The following CYREN variants were observed in gnomAD, a reference collection of about 807,000 sequenced individuals.
The protein encoded by CYREN is cell cycle regulator of NHEJ, also known as cell cycle regulator of non-homologous end joining.
CYREN carries 7 observed loss-of-function variants against 9.7 expected under a neutral mutation model. The ratio of observed to expected loss-of-function variants is 0.72; its 90% confidence interval spans 0.41 to 1.36. The LOEUF (loss-of-function observed/expected upper bound fraction) is 1.36, where lower values mean the gene tolerates loss of function less well. Ranked by LOEUF, CYREN falls within the 40% of genes most tolerant of loss-of-function variation. The pLI, the probability that CYREN is intolerant of heterozygous loss-of-function variation, is 0.01. For synonymous variants in CYREN, 76 were observed against 77.9 expected (o/e 0.98, Z 0.13); for missense variants, 215 against 198.1 (o/e 1.09, Z -0.51).
intron 2 of CYREN, among the ~76,000 whole-genome samples, chr7:135,100,251 A>G (rs545066844): frequency 1.4e-4 from 21 of 152,112 alleles, no homozygotes; most frequent in Admixed American, 1.3e-3. Context: ...AGAATGAATG[A>G]CAATCAAATG....
chr7:135,161,812 C>G (rs1026380444), downstream of CYREN, among the ~76,000 whole-genome samples: 13 of 152,264 alleles, frequency 8.5e-5, no homozygotes, highest in African/African-American at 3.1e-4. The surrounding 1 kb of genome is among the most constrained non-coding windows in gnomAD (Gnocchi z 4.1). Context: ...GCAGCCAGGG[C>G]TTCTGCTGGG....
intron 2 of CYREN, 134 bp downstream of exon 2, chr7:135,168,652 G>T: frequency 7.3e-7 from 1 of 1,370,862 alleles, no homozygotes; most frequent in Non-Finnish European, 9.8e-7. Context: ...CCTTCTAAAA[G>T]CTCAAGAGAT....
At chr7:135,129,585 G>C in intron 2 of CYREN, 1 of 771,968 alleles carries the variant, frequency 1.3e-6, no homozygotes, top group South Asian at 1.4e-5. Context: ...TCTCTCTAGA[G>C]CAAACCCTTA....
chr7:135,110,252 A>G (rs1285839965), intron 2 of CYREN, among the ~76,000 whole-genome samples: 1 of 152,118 alleles, frequency 6.6e-6, no homozygotes, highest in African/African-American at 2.4e-5. Flanking sequence ...TTATCCTGAG[A>G]TGTGCTGTGG....
intron 2 of CYREN, among the ~76,000 whole-genome samples, chr7:135,103,085 G>A (rs929309611): frequency 6.6e-6 from 1 of 152,064 alleles, no homozygotes; most frequent in South Asian, 2.1e-4. Context: ...ACAATACTCC[G>A]GCAGAATCCA....
intron 2 of CYREN, among the ~76,000 whole-genome samples, chr7:135,112,913 G>T (rs543763102): frequency 6.6e-6 from 1 of 152,130 alleles, no homozygotes; most frequent in Non-Finnish European, 1.5e-5. Flanking sequence ...GAGTAGCTGG[G>T]ATTACAGAAC....
chr7:135,103,521 A>C (rs1824174989), intron 2 of CYREN, among the ~76,000 whole-genome samples: 1 of 152,126 alleles, frequency 6.6e-6, no homozygotes, highest in South Asian at 2.1e-4. Context: ...AGCCTACAGG[A>C]GTTTTATCTG....
chr7:135,166,994 T>A (rs1201973085), intron 3 of CYREN, 123 bp from the exon 4 acceptor site: 1 of 1,509,572 alleles, frequency 6.6e-7, no homozygotes, highest in Non-Finnish European at 8.8e-7. Flanking sequence ...GGCCAGGCAA[T>A]GTACCCATAT....
chr7:135,145,275 A>G lies in CYREN; in HGVS notation n.356+23474T>C, dbSNP rs143819433. On this transcript the variant is annotated intron_variant and non_coding_transcript_variant, in intron 2 of 2. Coordinates refer to the CYREN transcript ENST00000459937. The stretch of plus-strand genomic sequence containing the variant: ...TTGAATAGATCAAGTTAGAATGAAG[A>G]TATTTTCAGTTTTGTAAGTTCTCAA... Among the ~76,000 whole-genome samples the G allele has an allele frequency of 1.3e-3, 197 of 152,332 alleles. 1 individual carries two copies. The highest frequency in any genetic ancestry group is 4.5e-3 in the African/African-American group (187 of 41,582).
At chr7:135,124,418 A>G (rs1485430393) in intron 2 of CYREN, among the ~76,000 whole-genome samples, 1 of 152,184 alleles carries the variant, frequency 6.6e-6, no homozygotes, top group Non-Finnish European at 1.5e-5. Flanking sequence ...GAGACCCAAA[A>G]AGAGACAGAC....
chr7:135,165,243 A>C, downstream of CYREN: 4 of 443,136 alleles, frequency 9.0e-6, no homozygotes, highest in Non-Finnish European at 1.7e-5. Context: ...TCCCTAAACC[A>C]TGCAGCTCAT....
chr7:135,095,167 C>T (rs1822473847), intron 2 of CYREN, among the ~76,000 whole-genome samples: 1 of 152,144 alleles, frequency 6.6e-6, no homozygotes, highest in South Asian at 2.1e-4. Flanking sequence ...CTCTAGTCTT[C>T]CTGTCTCACT....
intron 2 of CYREN, among the ~76,000 whole-genome samples, chr7:135,103,330 C>T (rs986430202): frequency 1.3e-5 from 2 of 152,106 alleles, no homozygotes; most frequent in African/African-American, 2.4e-5. Context: ...ATACTAGTCT[C>T]TCTATATTCG....
rs1308017608 is a variant in CYREN, at chr7:135,129,882, GT to G, written n.357-35301del. Among the ~76,000 whole-genome samples, 6 of 152,160 alleles carry G rather than the reference GT, an allele frequency of 3.9e-5. No homozygotes were observed. The East Asian group carries it at 1.2e-3, about 29-fold the overall frequency. On this transcript the variant is annotated intron_variant and non_coding_transcript_variant, in intron 2 of 2. Transcript: ENST00000459937. ...TGCATTCATACATTTTTTAATGCAA[GT>G]TGAGAAAAATTATAAGCCAAGGGTT...
At chr7:135,099,344 AG>A (rs1215558560) in intron 2 of CYREN, among the ~76,000 whole-genome samples, 1 of 152,180 alleles carries the variant, frequency 6.6e-6, no homozygotes, top group African/African-American at 2.4e-5. Context: ...AAAGGCTTCC[AG>A]GGGAAATATG....
At chr7:135,164,506 T>C (rs1562927766), downstream of CYREN, 2 of 1,613,292 alleles carry the variant, frequency 1.2e-6, no homozygotes, top group South Asian at 1.1e-5. Context: ...GTCCTCGTGA[T>C]TGTGGTCATC....
intron 2 of CYREN, among the ~76,000 whole-genome samples, chr7:135,111,564 G>A (rs528079037): frequency 6.6e-6 from 1 of 151,670 alleles, no homozygotes; most frequent in East Asian, 1.9e-4. Flanking sequence ...TCCTAATGTT[G>A]TACACGTCTG....
chr7:135,106,396 C>T (rs1308987449), intron 2 of CYREN, among the ~76,000 whole-genome samples: 2 of 152,076 alleles, frequency 1.3e-5, no homozygotes, highest in African/African-American at 4.8e-5. Context: ...TCCTTCAATA[C>T]TAGTTTATTG....
intron 2 of CYREN, among the ~76,000 whole-genome samples, chr7:135,157,310 T>C (rs887003888): frequency 2.0e-5 from 3 of 152,240 alleles, no homozygotes; most frequent in African/African-American, 7.2e-5. Flanking sequence ...AGTCGTGTGA[T>C]CTTTCTATGA....
Sources: gnomAD v4.1 joint callset for allele counts (sites outside exome capture counted in the v4.1 genomes callset) on GRCh38, gnomAD v4.1.1 for gene constraint, Gnocchi (gnomAD v3.1) non-coding constraint, MANE v1.5 for transcripts, NCBI Gene and HGNC (gene_info 2026-07-23, HGNC 2026-07-21) for gene names.